GRIK1: variants seen among roughly 807,000 people sequenced by gnomAD.
The protein encoded by GRIK1 is glutamate receptor ionotropic, kainate 1.
Under a neutral mutation model 105.7 loss-of-function variants are expected in GRIK1, and 69 were observed. That is an observed-to-expected ratio of 0.65 (90% confidence interval 0.54 to 0.80). The LOEUF is 0.80. Among genes scored for constraint, GRIK1 ranks in the 30% least tolerant of loss-of-function variants. The pLI, the probability that GRIK1 is intolerant of heterozygous loss-of-function variation, is 0.00. For missense variants in GRIK1, 1,109 were observed against 1,167.3 expected (o/e 0.95, Z 0.73); for synonymous variants, 438 against 431.3 (o/e 1.02, Z -0.19).
intron 1 of GRIK1, among the ~76,000 whole-genome samples, chr21:29,854,785 G>C (rs469472): frequency 0.32 from 48,832 of 152,016 alleles, 8,528 homozygotes; most frequent in East Asian, 0.46. Flanking sequence ...GCAAGGCCCA[G>C]GCTTCTGATC....
chr21:29,790,444 G>A (rs1002870946), intron 1 of GRIK1, among the ~76,000 whole-genome samples: 10 of 151,694 alleles, frequency 6.6e-5, no homozygotes, highest in African/African-American at 2.4e-4. Context: ...GCCCAGTTTC[G>A]TAGTTTCTTT....
At chr21:29,537,516 C>G in intron 17 of GRIK1, 131 bp from the exon 18 acceptor site, 1 of 717,732 alleles carries the variant, frequency 1.4e-6, no homozygotes, top group Non-Finnish European at 2.3e-6. Flanking sequence ...TTGGCCAGTT[C>G]CCATCACCTC....
rs200445256 is a variant in GRIK1 at position 29,669,896 on chromosome 21, C to T, written c.726+3087G>A. On this transcript the variant is annotated intron_variant, in intron 4 of 17. Coordinates refer to ENST00000327783, the MANE Select transcript of GRIK1 (RefSeq NM_001330994.2). ...CTCTTAGCAGACAAGTCTCTTTCTACAGTTTTTTCTCCAGGGCAAATGGAG... is the reference window on the plus strand; with the variant it reads ...CTCTTAGCAGACAAGTCTCTTTCTATAGTTTTTTCTCCAGGGCAAATGGAG... Among the ~76,000 whole-genome samples, 727 of 152,226 alleles carry T rather than the reference C, an allele frequency of 4.8e-3. 10 individuals carry two copies. The highest frequency in any genetic ancestry group is 0.017 in the African/African-American group (706 of 41,540).
chr21:29,648,184 A>G (rs941122129), intron 6 of GRIK1, among the ~76,000 whole-genome samples: 1 of 152,218 alleles, frequency 6.6e-6, no homozygotes, highest in Non-Finnish European at 1.5e-5. Flanking sequence ...TAATTCCTAT[A>G]TTCATCCATG....
intron 1 of GRIK1, among the ~76,000 whole-genome samples, chr21:29,845,746 C>T (rs1405244956): frequency 6.6e-6 from 1 of 152,040 alleles, no homozygotes; most frequent in Admixed American, 6.6e-5. Context: ...CTATCTACAC[C>T]CATGTTCCAT....
rs573985394 is a variant in GRIK1, at chr21:29,896,925, G to A, written c.118+42458C>T. ...TTTTTAGAAAGGAGCTTATTGTCAA[G>A]GGCACTTTGTAGCTCTTGCAGCCTC... is the stretch of plus-strand genomic sequence containing the variant. On this transcript the variant is annotated intron_variant, in intron 1 of 17. Coordinates refer to ENST00000327783, the MANE Select transcript of GRIK1 (RefSeq NM_001330994.2). Among the ~76,000 whole-genome samples, 8 of 152,258 alleles carry A rather than the reference G, an allele frequency of 5.3e-5. No individual in the cohort carries two copies. In the South Asian group the frequency reaches 8.3e-4, roughly 16 times the overall value.
Position 29,619,073 on chromosome 21 carries a change from C to T in GRIK1, c.1099-20136G>A, listed in dbSNP as rs545099648. On this transcript the variant is annotated intron_variant, in intron 7 of 17. Coordinates refer to ENST00000327783, the MANE Select transcript of GRIK1 (RefSeq NM_001330994.2). Reference sequence around the variant, plus strand: ...CCCAGGAGGCGGAGCTTGCAGTGAGCCGAGATTGTGCCACTGCACTCCAGC... The same window carrying T: ...CCCAGGAGGCGGAGCTTGCAGTGAGTCGAGATTGTGCCACTGCACTCCAGC... Among the ~76,000 whole-genome samples, 74 of 148,112 alleles carry T rather than the reference C, an allele frequency of 5.0e-4. 1 individual carries two copies. The highest frequency in any genetic ancestry group is 1.8e-3 in the African/African-American group (72 of 39,758).
At chr21:29,598,979 A>G in intron 7 of GRIK1, 42 bp from the exon 8 acceptor site, 1 of 881,038 alleles carries the variant, frequency 1.1e-6, no homozygotes, top group South Asian at 1.5e-5. Flanking sequence ...TTAAACATTT[A>G]TCATAATTCC....
chr21:29,553,617 A>T, intron 16 of GRIK1: 1 of 1,609,536 alleles, frequency 6.2e-7, no homozygotes, highest in South Asian at 1.1e-5. Flanking sequence ...AATTTACCAC[A>T]TTCTAAATCC....
rs1367194125 is a variant in GRIK1 at position 29,559,038 on chromosome 21, G to A, written c.2356+2586C>T. On this transcript the variant is annotated intron_variant, in intron 15 of 17. Transcript: ENST00000327783. Reference sequence around the variant, plus strand: ...CAGACAGGAATTTTGGTGCCAAAAAGGGGTGTTGAAATGTGGTGGGGTAGG... The same window carrying A: ...CAGACAGGAATTTTGGTGCCAAAAAAGGGTGTTGAAATGTGGTGGGGTAGG... 3.9e-5 allele frequency among the ~76,000 whole-genome samples: 6 copies of A among 152,146 alleles called. No individual in the cohort carries two copies. In the East Asian group the frequency reaches 9.6e-4, roughly 24 times the overall value.
chr21:29,641,643 C>T (rs541089261), intron 7 of GRIK1, among the ~76,000 whole-genome samples: 41 of 152,242 alleles, frequency 2.7e-4, no homozygotes, highest in African/African-American at 7.9e-4. Context: ...AAAATTTAAG[C>T]GAGAATTTCC....
intron 1 of GRIK1, among the ~76,000 whole-genome samples, chr21:29,874,521 A>G (rs1485179966): frequency 6.6e-6 from 1 of 152,164 alleles, no homozygotes. Context: ...GGCTATAAAT[A>G]CAGATGAAGC....
intron 1 of GRIK1, among the ~76,000 whole-genome samples, chr21:29,899,168 T>C (rs142249452): frequency 2.0e-5 from 3 of 152,368 alleles, no homozygotes; most frequent in Admixed American, 6.5e-5. Context: ...CAAAGTGTCC[T>C]GAAATTACTC....
At chr21:29,589,585 C>A (rs562707136) in intron 10 of GRIK1, among the ~76,000 whole-genome samples, 15 of 116,452 alleles carry the variant, frequency 1.3e-4, no homozygotes, top group South Asian at 5.5e-4. Flanking sequence ...CCACGCCTGA[C>A]TATTTTTTTG....
At chr21:29,743,566 G>A (rs1236473271) in intron 1 of GRIK1, among the ~76,000 whole-genome samples, 1 of 152,012 alleles carries the variant, frequency 6.6e-6, no homozygotes, top group Non-Finnish European at 1.5e-5. Context: ...GTGGTAGCAT[G>A]CACCTGTAGT....
At chr21:29,646,991 G>A (rs546338634) in intron 6 of GRIK1, among the ~76,000 whole-genome samples, 7 of 152,058 alleles carry the variant, frequency 4.6e-5, no homozygotes, top group East Asian at 1.9e-4. Flanking sequence ...GATTACAGGC[G>A]CCTGCCACCA....
intron 1 of GRIK1, among the ~76,000 whole-genome samples, chr21:29,831,445 G>A (rs1308811068): frequency 6.6e-6 from 1 of 152,152 alleles, no homozygotes; most frequent in East Asian, 1.9e-4. Context: ...ACCTGAGACT[G>A]GGTAATTTAT....
intron 1 of GRIK1, among the ~76,000 whole-genome samples, chr21:29,730,036 A>C (rs1177823795): frequency 6.6e-6 from 1 of 152,174 alleles, no homozygotes; most frequent in Non-Finnish European, 1.5e-5. Context: ...ACATTTTCCC[A>C]ATGGTTTTAT....
At chr21:29,714,738 C>A (rs1372730025) in intron 1 of GRIK1, among the ~76,000 whole-genome samples, 1 of 152,182 alleles carries the variant, frequency 6.6e-6, no homozygotes, top group Non-Finnish European at 1.5e-5. Flanking sequence ...GTAAAATTAC[C>A]TCTAGCTGTA....
Sources: gnomAD v4.1 joint callset for allele counts (sites outside exome capture counted in the v4.1 genomes callset) on GRCh38, gnomAD v4.1.1 for gene constraint, MANE v1.5 for transcripts, NCBI Gene and HGNC (gene_info 2026-07-23, HGNC 2026-07-21) for gene names.